BTNL9: variants seen among roughly 807,000 people sequenced by gnomAD.
BTNL9 encodes butyrophilin-like protein 9.
Under a neutral mutation model 45.8 loss-of-function variants are expected in BTNL9, and 45 were observed. The ratio of observed to expected loss-of-function variants is 0.98; its 90% CI spans 0.77 to 1.26. The LOEUF (loss-of-function observed/expected upper bound fraction) is 1.26. Ranked by LOEUF, BTNL9 falls within the 50% of genes most tolerant of loss-of-function variation. BTNL9 has a pLI of 0.00. For missense variants in BTNL9, 784 were observed against 729.7 expected (o/e 1.07, Z -0.86); for synonymous variants, 346 against 330.8 (o/e 1.05, Z -0.50).
rs1762064242 is a variant in BTNL9 at position 181,059,566 on chromosome 5, G to A, written c.1312G>A (p.Val438Ile). 2 of 1,611,692 alleles carry A rather than the reference G, an allele frequency of 1.2e-6. No individual in the cohort carries two copies. The highest frequency in any genetic ancestry group is 1.1e-5 in the South Asian group (1 of 91,012). The change falls in exon 11 of 11, where the codon GTC (valine) becomes ATC (isoleucine). Residue 438 changes from valine (V) to isoleucine (I), a missense_variant. Transcript: ENST00000327705. ...CEYFVLAPHR[V>I]ALTLRVPPRR... ...GTACTTCGTCCTGGCCCCGCACCGC[G>A]TCGCGCTCACCCTGCGCGTGCCCCC... is the stretch of plus-strand genomic sequence containing the variant.
rs930182545 is a variant in BTNL9, at chr5:181,053,343, A to AG, written c.853+31dup. The AG allele has an allele frequency of 1.3e-6, 2 of 1,514,964 alleles. No individual in the cohort carries two copies. Among genetic ancestry groups the AG allele is most frequent in the Non-Finnish European group, 1.8e-6 (2 of 1,131,124 alleles). The allele number at this position is 1,514,964 out of a possible 1,614,324, so 93.8% of individuals were successfully genotyped here. On this transcript the variant is annotated intron_variant, in intron 5 of 10. Coordinates refer to ENST00000327705, the MANE Select transcript of BTNL9 (RefSeq NM_152547.5). The surrounding 1 kb of genome is among the most constrained non-coding windows in gnomAD (Gnocchi z 6.5). ...TACCGGCGCGGGCGGCGGGGCGGGGAGGGGCACCGGCCGGTGCTGAACCCC... is the reference window on the plus strand; with the variant it reads ...TACCGGCGCGGGCGGCGGGGCGGGGAGGGGGCACCGGCCGGTGCTGAACCCC...
chr5:181,054,622 C>G, intron 7 of BTNL9: 1 of 985,376 alleles, frequency 1.0e-6, no homozygotes, highest in Non-Finnish European at 1.2e-6. Flanking sequence ...GAAATAATTT[C>G]TCAGATCCAC....
Position 181,061,170 on chromosome 5 carries a change from C to G in BTNL9, c.*1308C>G, listed in dbSNP as rs569444920. 6.6e-6 allele frequency: 1 copy of G among 152,302 alleles called. No individual in the cohort carries two copies. The highest frequency in any genetic ancestry group is 2.4e-5 in the African/African-American group (1 of 41,566). 9.4% of individuals were successfully genotyped at this position (152,302 alleles called of 1,614,324 possible). On this transcript the variant is annotated 3_prime_UTR_variant, in exon 11 of 11. Coordinates refer to ENST00000327705, the MANE Select transcript of BTNL9 (RefSeq NM_152547.5). ...TACTGAAGTTTTTAGATATTAATTA[C>G]CACAGTGTCTGCCACTGAATTTCCA...
chr5:181,056,139 T>C, intron 9 of BTNL9, 124 bp downstream of exon 9: 1 of 1,084,688 alleles, frequency 9.2e-7, no homozygotes. Flanking sequence ...CAGCATGTGT[T>C]AATCTATGTC....
intron 1 of BTNL9, among the ~76,000 whole-genome samples, chr5:181,041,581 A>G (rs1760778108): frequency 6.6e-6 from 1 of 152,260 alleles, no homozygotes; most frequent in South Asian, 2.1e-4. Flanking sequence ...ACACCAATCC[A>G]TAGTGATTCG....
chr5:181,058,037 A>G (rs973312404), intron 9 of BTNL9, among the ~76,000 whole-genome samples: 11 of 152,162 alleles, frequency 7.2e-5, no homozygotes, highest in African/African-American at 2.7e-4. Context: ...CTGAGGCTCC[A>G]CTTCTGTCTC....
At chr5:181,048,716 T>G (rs938953008) in intron 3 of BTNL9, among the ~76,000 whole-genome samples, 9 of 126,410 alleles carry the variant, frequency 7.1e-5, no homozygotes, top group Non-Finnish European at 1.1e-4. Context: ...TCTTGAAATA[T>G]ATATATATAT....
intron 9 of BTNL9, chr5:181,056,791 C>G (rs1234943631): frequency 1.8e-6 from 1 of 567,014 alleles, no homozygotes; most frequent in Non-Finnish European, 3.1e-6. Flanking sequence ...GCCCACATCT[C>G]ATGTGAACCA....
intron 9 of BTNL9, chr5:181,056,779 G>A: frequency 5.1e-6 from 3 of 592,662 alleles, no homozygotes. Context: ...GAGATTCCAT[G>A]TGCCCACATC....
Position 181,055,748 on chromosome 5 carries a change from G to A in BTNL9, c.929-241G>A, listed in dbSNP as rs558630227. The A allele has an allele frequency of 6.2e-5, 44 of 704,774 alleles. No homozygotes were observed. The highest frequency in any genetic ancestry group is 2.2e-4 in the Admixed American group (11 of 49,772). 43.7% of individuals were successfully genotyped at this position (704,774 alleles called of 1,614,324 possible). Reference sequence around the variant, plus strand: ...GGCGCCACTGCACTCCAGCCTGGGCGACAGAGCGAGACTCTGTCTCAAAAA... The same window carrying A: ...GGCGCCACTGCACTCCAGCCTGGGCAACAGAGCGAGACTCTGTCTCAAAAA... On this transcript the variant is annotated intron_variant, in intron 8 of 10. Transcript: ENST00000327705. This position sits in a 1 kb window ranked among gnomAD's most constrained non-coding sequence, Gnocchi z 4.4.
At chr5:181,041,642 A>T (rs2113131646) in intron 1 of BTNL9, among the ~76,000 whole-genome samples, 1 of 152,344 alleles carries the variant, frequency 6.6e-6, no homozygotes, top group South Asian at 2.1e-4. Flanking sequence ...CTGATTAAAA[A>T]CAAACAGTCC....
At chr5:181,058,814 TA>T (rs200022713) in intron 10 of BTNL9, among the ~76,000 whole-genome samples, 17,981 of 134,696 alleles carry the variant, frequency 0.13, 1,389 homozygotes, top group African/African-American at 0.24. Context: ...GGACTGTATG[TA>T]AAAAAAAAAA....
intron 1 of BTNL9, among the ~76,000 whole-genome samples, chr5:181,041,950 C>G (rs1326195351): frequency 6.6e-6 from 1 of 152,018 alleles, no homozygotes; most frequent in African/African-American, 2.4e-5. Flanking sequence ...AATAAATTAT[C>G]TAAAAAAATA....
At chr5:181,045,790 T>G (rs1761086702) in intron 2 of BTNL9, among the ~76,000 whole-genome samples, 192 bp downstream of exon 2, 1 of 138,392 alleles carries the variant, frequency 7.2e-6, no homozygotes, top group Non-Finnish European at 1.6e-5. Flanking sequence ...CTCCACCATC[T>G]CCCCAGCCCC....
rs190079979 is a variant in BTNL9 at position 181,058,016 on chromosome 5, C to T, written c.956-336C>T. On this transcript the variant is annotated intron_variant, in intron 9 of 10. Coordinates refer to ENST00000327705, the MANE Select transcript of BTNL9 (RefSeq NM_152547.5). ...GCTGGGCCTCCTGGGCACAGCCTGG[C>T]GGGTCAGAGGCTGAGGCTCCACTTC... Among the ~76,000 whole-genome samples, 40 of 152,302 alleles carry T rather than the reference C, an allele frequency of 2.6e-4. No homozygotes were observed. In the East Asian group the frequency reaches 6.9e-3, roughly 26 times the overall value.
At chr5:181,056,606 C>T in intron 9 of BTNL9, 1 of 717,518 alleles carries the variant, frequency 1.4e-6, no homozygotes, top group Non-Finnish European at 2.6e-6. Context: ...CACAACAACA[C>T]TGAATGCATA....
chr5:181,045,911 C>T (rs372369076), intron 2 of BTNL9, among the ~76,000 whole-genome samples: 13 of 63,230 alleles, frequency 2.1e-4, no homozygotes, highest in Admixed American at 3.0e-4. Context: ...CCACCATCTC[C>T]CCAGCCCCCA....
At chr5:181,049,808 C>T (rs1243413019) in intron 3 of BTNL9, among the ~76,000 whole-genome samples, 2 of 152,164 alleles carry the variant, frequency 1.3e-5, no homozygotes, top group African/African-American at 2.4e-5. Flanking sequence ...GAAACTGTCC[C>T]TTGCCTAACA....
Position 181,059,579 on chromosome 5 carries a change from T to TG in BTNL9, c.1326dup (p.Arg443AlafsTer66), listed in dbSNP as rs1434399622. On this transcript the variant is annotated frameshift_variant, in exon 11 of 11. Coordinates refer to ENST00000327705, the MANE Select transcript of BTNL9 (RefSeq NM_152547.5). LOFTEE classifies it low-confidence loss of function (END_TRUNC). ...GCCCCGCACCGCGTCGCGCTCACCC[T>TG]GCGCGTGCCCCCGCGGCGCCTGGGC... The TG allele has an allele frequency of 6.8e-6, 11 of 1,612,554 alleles. No homozygotes were observed. The highest frequency in any genetic ancestry group is 9.3e-6 in the Non-Finnish European group (11 of 1,179,800).
Sources: gnomAD v4.1 joint callset for allele counts (sites outside exome capture counted in the v4.1 genomes callset) on GRCh38, gnomAD v4.1.1 for gene constraint, Gnocchi (gnomAD v3.1) non-coding constraint, MANE v1.5 for transcripts, NCBI Gene and HGNC (gene_info 2026-07-23, HGNC 2026-07-21) for gene names.